Variants in FGGY observed in about 807,000 individuals in gnomAD.
The protein encoded by FGGY is FGGY carbohydrate kinase domain-containing protein.
In FGGY, 72 loss-of-function variants were observed where a neutral mutation model predicts 71.3. The ratio of observed to expected loss-of-function variants is 1.01; its 90% CI spans 0.84 to 1.23. The LOEUF (loss-of-function observed/expected upper bound fraction) is 1.23, where lower values mean the gene tolerates loss of function less well. FGGY is among the 50% of genes most tolerant of loss of function. The pLI, the probability that FGGY is intolerant of heterozygous loss-of-function variation, is 0.00. For synonymous variants in FGGY, 251 were observed against 250.3 expected (o/e 1.00, Z -0.02); for missense variants, 668 against 682.3 (o/e 0.98, Z 0.23).
intron 10 of FGGY, among the ~76,000 whole-genome samples, chr1:59,635,495 C>T (rs1405673835): frequency 1.3e-5 from 2 of 151,528 alleles, no homozygotes; most frequent in Non-Finnish European, 2.9e-5. Context: ...ACCAAATGCC[C>T]TGCTCAGAGA....
At chr1:59,661,176 T>G (rs1250150312) in intron 12 of FGGY, among the ~76,000 whole-genome samples, 3 of 152,242 alleles carry the variant, frequency 2.0e-5, no homozygotes, top group African/African-American at 4.8e-5. Context: ...ATATATGATA[T>G]TCAATTATTC....
At chr1:59,696,013 A>G (rs2097655264) in intron 14 of FGGY, among the ~76,000 whole-genome samples, 1 of 152,154 alleles carries the variant, frequency 6.6e-6, no homozygotes, top group South Asian at 2.1e-4. Flanking sequence ...GTTGCCATCT[A>G]TGAAATCTAA....
intron 8 of FGGY, among the ~76,000 whole-genome samples, chr1:59,559,086 CAATCAATTTGTACAGTTA>C (rs1318972826): frequency 1.3e-5 from 2 of 152,126 alleles, no homozygotes; most frequent in African/African-American, 4.8e-5. Flanking sequence ...ACATCTTTTA[CAATCAATTTGTACAGTTA>C]ACACAATAGT....
intron 8 of FGGY, among the ~76,000 whole-genome samples, chr1:59,591,503 C>A (rs984997760): frequency 1.3e-5 from 2 of 148,628 alleles, no homozygotes; most frequent in Non-Finnish European, 3.0e-5. Context: ...GCCAAAAGAA[C>A]AAACTGGAGG....
chr1:59,477,340 T>G (rs1315794632), intron 6 of FGGY, among the ~76,000 whole-genome samples: 1 of 152,136 alleles, frequency 6.6e-6, no homozygotes, highest in African/African-American at 2.4e-5. Context: ...CTTTTAAGTT[T>G]CCCAGCACCA....
intron 8 of FGGY, among the ~76,000 whole-genome samples, chr1:59,568,463 G>GGT (rs397965334): frequency 3.3e-5 from 4 of 120,068 alleles, no homozygotes; most frequent in African/African-American, 1.5e-4. Flanking sequence ...GGTCGGGGGG[G>GGT]CGGGGGGGGG....
intron 6 of FGGY, among the ~76,000 whole-genome samples, chr1:59,465,850 A>G (rs6587857): frequency 0.41 from 62,129 of 152,038 alleles, 12,869 homozygotes; most frequent in Middle Eastern, 0.5. Context: ...TCAATGAAAT[A>G]AAAGAGGACA....
intron 14 of FGGY, among the ~76,000 whole-genome samples, chr1:59,685,242 G>A (rs1369101716): frequency 6.6e-6 from 1 of 152,024 alleles, no homozygotes; most frequent in African/African-American, 2.4e-5. Context: ...ATTTCCTTCT[G>A]CTTGAGGGAA....
At chr1:59,402,442 A>C (rs1038453421) in intron 5 of FGGY, among the ~76,000 whole-genome samples, 1 of 152,200 alleles carries the variant, frequency 6.6e-6, no homozygotes, top group South Asian at 2.1e-4. Context: ...ACCTCTGCTA[A>C]TTATCAGCAG....
chr1:59,704,449 T>C (rs1202246820), intron 14 of FGGY, among the ~76,000 whole-genome samples: 3 of 151,832 alleles, frequency 2.0e-5, no homozygotes, highest in Non-Finnish European at 4.4e-5. Context: ...GCGTTTTGTA[T>C]GTCTGTCTTA....
chr1:59,748,646 A>T (rs1373773866), intron 14 of FGGY, among the ~76,000 whole-genome samples: 1 of 152,202 alleles, frequency 6.6e-6, no homozygotes, highest in Non-Finnish European at 1.5e-5. Context: ...GTTTTATTCA[A>T]AAAGCGATGG....
At chr1:59,618,316 A>G (rs1174115577) in intron 9 of FGGY, among the ~76,000 whole-genome samples, 1 of 152,130 alleles carries the variant, frequency 6.6e-6, no homozygotes, top group Non-Finnish European at 1.5e-5. Flanking sequence ...CAGCATGTGT[A>G]TGTGGTCAGT....
At position 59,624,344 on chromosome 1, in the gene FGGY, GA is replaced by G. The variant is rs1392355224; in HGVS notation, c.1012-1643del. Among the ~76,000 whole-genome samples the G allele has an allele frequency of 2.6e-5, 4 of 152,204 alleles. No homozygotes were observed. The South Asian group carries it at 6.2e-4, about 24-fold the overall frequency. On this transcript the variant is annotated intron_variant, in intron 9 of 15. Coordinates refer to ENST00000303721, the MANE Select transcript of FGGY (RefSeq NM_018291.5). The stretch of plus-strand genomic sequence containing the variant: ...CTTGGGCAAGATATTCAATCTCTTT[GA>G]GCTCAGTTTCCTCATCTCCATAATG...
intron 6 of FGGY, among the ~76,000 whole-genome samples, chr1:59,465,277 T>C (rs540058305): frequency 6.6e-6 from 1 of 152,136 alleles, no homozygotes; most frequent in African/African-American, 2.4e-5. Flanking sequence ...ATTATCTCAA[T>C]AGATGCAGAA....
intron 8 of FGGY, among the ~76,000 whole-genome samples, chr1:59,604,344 A>G (rs181296029): frequency 1.3e-4 from 20 of 152,354 alleles, no homozygotes; most frequent in Middle Eastern, 3.4e-3. Context: ...GAATTCCTAG[A>G]TTCTTCTAAG....
At chr1:59,472,020 C>G (rs2153547049) in intron 6 of FGGY, among the ~76,000 whole-genome samples, 1 of 152,384 alleles carries the variant, frequency 6.6e-6, no homozygotes, top group East Asian at 1.9e-4. Flanking sequence ...CCTGGGCTCC[C>G]ACTTTGGCGG....
intron 1 of FGGY, among the ~76,000 whole-genome samples, chr1:59,311,857 A>C (rs565362619): frequency 5.8e-4 from 89 of 152,324 alleles, no homozygotes; most frequent in African/African-American, 2.1e-3. Context: ...ACTAATTTGC[A>C]TTCCCACTAA....
At chr1:59,650,328 C>G in intron 11 of FGGY, among the ~76,000 whole-genome samples, 1 of 136,230 alleles carries the variant, frequency 7.3e-6, no homozygotes, top group Non-Finnish European at 1.5e-5. Context: ...AGGAATGGCA[C>G]CAGCTCCTCT....
chr1:59,352,505 C>T (rs1477530178), intron 4 of FGGY, among the ~76,000 whole-genome samples: 1 of 152,182 alleles, frequency 6.6e-6, no homozygotes, highest in Non-Finnish European at 1.5e-5. Context: ...CCTGCTGCTT[C>T]TCTCTCCCCT....
Sources: gnomAD v4.1 joint callset for allele counts (sites outside exome capture counted in the v4.1 genomes callset) on GRCh38, gnomAD v4.1.1 for gene constraint, MANE v1.5 for transcripts, NCBI Gene and HGNC (gene_info 2026-07-23, HGNC 2026-07-21) for gene names.